The following MFSD11 variants were observed in gnomAD, a reference collection of about 807,000 sequenced individuals.
MFSD11 encodes UNC93-like protein MFSD11.
MFSD11 carries 36 observed loss-of-function variants against 53.5 expected under a neutral mutation model. That is an observed-to-expected ratio of 0.67 (90% CI 0.52 to 0.89). The LOEUF is 0.89. MFSD11 is among the 40% of genes least tolerant of loss of function. The pLI is 0.00. For synonymous variants in MFSD11, 186 were observed against 184.9 expected (o/e 1.01, Z -0.05); for missense variants, 530 against 543.9 (o/e 0.97, Z 0.25).
chr17:76,791,876 C>G, the MFSD11 span, among the ~76,000 whole-genome samples: 5 of 146,480 alleles, frequency 3.4e-5, no homozygotes, highest in Admixed American at 6.8e-5. Context: ...TGTTCCCCCC[C>G]GCCCCGAGAG....
At position 76,738,204 on chromosome 17, in the gene MFSD11, A is replaced by G. The variant is rs2077682794; in HGVS notation, c.-149A>G. 3.2e-6 allele frequency: 2 copies of G among 623,446 alleles called. No homozygotes were observed. Among genetic ancestry groups the G allele is most frequent in the Non-Finnish European group, 5.7e-6 (2 of 351,150 alleles). 38.6% of individuals were successfully genotyped at this position (623,446 alleles called of 1,614,324 possible). A position where few individuals can be genotyped will look rare whatever the true frequency, so the allele number is the denominator to read the frequency against. On this transcript the variant is annotated 5_prime_UTR_variant, in exon 1 of 13. Transcript: ENST00000685175. Reference sequence around the variant, plus strand: ...CGCCCTAAACCTGGGGTTCCGATCCAGGAACTGGAAGTTGACAGCTTGGCT... The same window carrying G: ...CGCCCTAAACCTGGGGTTCCGATCCGGGAACTGGAAGTTGACAGCTTGGCT...
intron 12 of MFSD11, among the ~76,000 whole-genome samples, chr17:76,777,943 TG>T (rs1157673364): frequency 6.6e-6 from 1 of 152,082 alleles, no homozygotes; most frequent in African/African-American, 2.4e-5. Flanking sequence ...CCTCCCAAAG[TG>T]TTGGGTGGCA....
intron 7 of MFSD11, among the ~76,000 whole-genome samples, chr17:76,752,483 G>A (rs62086789): frequency 0.055 from 8,397 of 151,466 alleles, 316 homozygotes; most frequent in Admixed American, 0.12. Context: ...GGGTTCAAGC[G>A]ATTCTCATGT....
the MFSD11 span, among the ~76,000 whole-genome samples, chr17:76,800,977 G>A: frequency 6.6e-6 from 1 of 151,818 alleles, no homozygotes; most frequent in African/African-American, 2.4e-5. Flanking sequence ...CTTGGGAGGT[G>A]GAGGCAGGAG....
intron 2 of MFSD11, among the ~76,000 whole-genome samples, chr17:76,739,666 G>A (rs1265036975): frequency 2.0e-5 from 3 of 152,152 alleles, no homozygotes; most frequent in African/African-American, 7.2e-5. Flanking sequence ...ACATTGAGCT[G>A]TAGAAACAGT....
At chr17:76,743,539 C>A in intron 6 of MFSD11, 83 bp downstream of exon 6, 1 of 855,348 alleles carries the variant, frequency 1.2e-6, no homozygotes, top group Non-Finnish European at 1.7e-6. Context: ...TTGCTTTATT[C>A]AAGCATCGTT....
At chr17:76,737,441 G>T, upstream of MFSD11, 1 of 407,018 alleles carries the variant, frequency 2.5e-6, no homozygotes, top group Non-Finnish European at 4.4e-6. Flanking sequence ...GCTTCGTAAC[G>T]ACCCTGCCGC....
At chr17:76,737,248 C>T (rs757551371), upstream of MFSD11, 510 of 1,450,330 alleles carry the variant, frequency 3.5e-4, no homozygotes, top group Middle Eastern at 6.0e-4. Context: ...CAGGCAGTTG[C>T]CTTCCGCGTG....
chr17:76,777,388 C>T (rs2081946444), intron 12 of MFSD11, among the ~76,000 whole-genome samples: 1 of 152,012 alleles, frequency 6.6e-6, no homozygotes, highest in Non-Finnish European at 1.5e-5. Flanking sequence ...AGTGCACTAC[C>T]ATGTTCAGCT....
intron 7 of MFSD11, among the ~76,000 whole-genome samples, chr17:76,750,364 ATTTTTT>A (rs1256470874): frequency 8.1e-6 from 1 of 123,666 alleles, no homozygotes; most frequent in East Asian, 2.2e-4. Context: ...TGTGTTAGTA[ATTTTTT>A]TTTTTTTTTT....
chr17:76,782,945 A>G (rs58022078), downstream of MFSD11, among the ~76,000 whole-genome samples: 16,033 of 151,824 alleles, frequency 0.11, 2,773 homozygotes, highest in African/African-American at 0.36. Flanking sequence ...TTGGGAGGCC[A>G]AGGCAGGCAG....
chr17:76,800,429 T>C, the MFSD11 span, among the ~76,000 whole-genome samples: 4 of 152,168 alleles, frequency 2.6e-5, no homozygotes, highest in Non-Finnish European at 5.9e-5. Context: ...TCTGTAATGG[T>C]CACCTATGAA....
At chr17:76,784,464 C>T (rs1370759579), downstream of MFSD11, among the ~76,000 whole-genome samples, 2 of 151,872 alleles carry the variant, frequency 1.3e-5, no homozygotes, top group Non-Finnish European at 2.9e-5. Context: ...ACCTGGGAGG[C>T]AGAGGTTGCA....
At chr17:76,744,549 T>G in intron 7 of MFSD11, 83 bp downstream of exon 7, 3 of 1,244,118 alleles carry the variant, frequency 2.4e-6, no homozygotes, top group Non-Finnish European at 3.3e-6. Context: ...CGTTTAGCCC[T>G]AACTGATGTC....
In MFSD11 at chr17:76,740,978, G is replaced by C. The variant is rs1456720218; in HGVS notation, c.174G>C (p.Val58=). ...GYTSMAIIYG[V]FSASNLITPS... ...GCAGCATGGCTATTATCTATGGAGT[G>C]TTCTCTGCTTCAAATTTGATTACAC... The change falls in exon 3 of 13, where the codon GTG becomes GTC. Residue 58 remains valine, a synonymous_variant. Transcript: ENST00000685175. 2 of 1,592,552 alleles carry C rather than the reference G, an allele frequency of 1.3e-6. No homozygotes were observed. Among genetic ancestry groups the C allele is most frequent in the East Asian group, 2.2e-5 (1 of 44,498 alleles).
At chr17:76,750,008 GA>G (rs1220195895) in intron 7 of MFSD11, among the ~76,000 whole-genome samples, 1 of 152,114 alleles carries the variant, frequency 6.6e-6, no homozygotes, top group Non-Finnish European at 1.5e-5. Context: ...GTCAGGGCCT[GA>G]AAGAGGTGAG....
At chr17:76,744,830 T>G (rs1020662321) in intron 7 of MFSD11, among the ~76,000 whole-genome samples, 3 of 152,220 alleles carry the variant, frequency 2.0e-5, no homozygotes, top group African/African-American at 7.2e-5. Context: ...GGTTACTGTT[T>G]CTGTGATCCA....
downstream of MFSD11, among the ~76,000 whole-genome samples, chr17:76,784,491 C>T (rs1021084848): frequency 1.3e-5 from 2 of 152,138 alleles, no homozygotes; most frequent in East Asian, 1.9e-4. Flanking sequence ...TGAGATCGTG[C>T]CACTGCACTC....
chr17:76,749,456 G>T lies in MFSD11; in HGVS notation c.642-4591G>T, dbSNP rs71384127. ...AGGTGGGAGAATCGCTTACGCCCAG[G>T]ACGCGGAGGTTGCAGTGAGCCAAGA... On this transcript the variant is annotated intron_variant, in intron 7 of 12. Transcript: ENST00000685175. Among the ~76,000 whole-genome samples, 793 of 151,772 alleles carry T rather than the reference G, an allele frequency of 5.2e-3. 4 individuals are homozygous for T. Among genetic ancestry groups the T allele is most frequent in the Non-Finnish European group, 9.6e-3 (652 of 67,980 alleles).
Sources: allele counts gnomAD v4.1 joint callset (sites outside exome capture counted in the v4.1 genomes callset), GRCh38; gene constraint gnomAD v4.1.1; transcripts MANE v1.5; gene names NCBI Gene and HGNC (gene_info 2026-07-23, HGNC 2026-07-21).